The following LRRC28 variants were observed in gnomAD, a reference collection of about 807,000 sequenced individuals.
LRRC28 encodes leucine rich repeat containing 28, also known as leucine-rich repeat-containing protein 28.
LRRC28 carries 39 observed loss-of-function variants against 45.7 expected under a neutral mutation model. The observed-to-expected ratio is 0.85, with a 90% CI of 0.66 to 1.12. LRRC28 has a LOEUF of 1.12. Among genes scored for constraint, LRRC28 ranks in the 50% most tolerant of loss-of-function variants. The probability of loss-of-function intolerance (pLI) is 0.00; values close to 1 mark genes in which losing one functional copy is unlikely to be tolerated. For synonymous variants in LRRC28, 206 were observed against 178.8 expected (o/e 1.15, Z -1.22); for missense variants, 435 against 438.5 (o/e 0.99, Z 0.07).
intron 2 of LRRC28, among the ~76,000 whole-genome samples, chr15:99,267,318 G>T (rs2081358309): frequency 6.6e-6 from 1 of 152,182 alleles, no homozygotes; most frequent in South Asian, 2.1e-4. Flanking sequence ...ATAAGGATCA[G>T]AACACCCTGA....
At chr15:99,361,285 A>G in intron 7 of LRRC28, 51 bp from the exon 8 acceptor site, 2 of 1,549,202 alleles carry the variant, frequency 1.3e-6, no homozygotes, top group South Asian at 1.2e-5. Context: ...ATTGGCACCC[A>G]TATTCTTTTC....
intron 6 of LRRC28, among the ~76,000 whole-genome samples, chr15:99,347,839 C>T (rs1813102075): frequency 1.3e-5 from 2 of 152,094 alleles, no homozygotes; most frequent in African/African-American, 2.4e-5. Context: ...TTTTTAATTT[C>T]TTTAGGAACC....
At chr15:99,287,436 T>A in intron 4 of LRRC28, 142 bp downstream of exon 4, 1 of 577,030 alleles carries the variant, frequency 1.7e-6, no homozygotes, top group East Asian at 3.3e-5. Flanking sequence ...TTAAGAACTA[T>A]AATTAAATAA....
At chr15:99,342,889 AAG>A (rs1031959402) in intron 6 of LRRC28, among the ~76,000 whole-genome samples, 19 of 152,230 alleles carry the variant, frequency 1.2e-4, no homozygotes, top group South Asian at 2.1e-4. Context: ...GTGACTTTGT[AAG>A]AGAGTTAATG....
Position 99,377,896 on chromosome 15 carries a change from G to T in LRRC28, c.1032-8134G>T, listed in dbSNP as rs1215903890. Among the ~76,000 whole-genome samples, 9 of 152,078 alleles carry T rather than the reference G, an allele frequency of 5.9e-5. No individual in the cohort carries two copies. In the East Asian group the frequency reaches 1.7e-3, roughly 29 times the overall value. ...CTGAGGGCTCTGTTCTGTTCCATTGGTCTATAGCTCTGTTTTGGTACCAGT... is the reference window on the plus strand; with the variant it reads ...CTGAGGGCTCTGTTCTGTTCCATTGTTCTATAGCTCTGTTTTGGTACCAGT... On this transcript the variant is annotated intron_variant, in intron 9 of 9. Coordinates refer to ENST00000301981, the MANE Select transcript of LRRC28 (RefSeq NM_144598.5).
intron 6 of LRRC28, among the ~76,000 whole-genome samples, chr15:99,347,259 G>C (rs1299290033): frequency 2.0e-5 from 3 of 151,720 alleles, no homozygotes; most frequent in African/African-American, 7.3e-5. Context: ...ACCCAGGCTG[G>C]AGTGCAGTGG....
At position 99,267,208 on chromosome 15, in the gene LRRC28, G is replaced by A. The variant is rs114414877; in HGVS notation, c.169-9368G>A. 4.9e-3 allele frequency among the ~76,000 whole-genome samples: 743 copies of A among 152,240 alleles called. 5 individuals carry two copies. Among genetic ancestry groups the A allele is most frequent in the African/African-American group, 0.017 (718 of 41,538 alleles). ...ATTGACATAGATGACTCTCTTAGCC[G>A]GTGGTTAGGTGAGGGTGAGAGAGGT... On this transcript the variant is annotated intron_variant, in intron 2 of 9. Coordinates refer to ENST00000301981, the MANE Select transcript of LRRC28 (RefSeq NM_144598.5).
intron 5 of LRRC28, among the ~76,000 whole-genome samples, chr15:99,325,473 C>A (rs1380061275): frequency 2.0e-5 from 3 of 152,060 alleles, no homozygotes; most frequent in African/African-American, 7.2e-5. Context: ...TTGTTGGGTA[C>A]CAATGGAAAC....
chr15:99,327,767 T>C (rs891911283), intron 5 of LRRC28, among the ~76,000 whole-genome samples: 9 of 152,072 alleles, frequency 5.9e-5, no homozygotes, highest in African/African-American at 2.4e-5. Flanking sequence ...ATTTTTATTT[T>C]AGTTTTTACT....
chr15:99,367,029 G>A (rs1957359317), intron 9 of LRRC28, among the ~76,000 whole-genome samples: 1 of 152,182 alleles, frequency 6.6e-6, no homozygotes, highest in African/African-American at 2.4e-5. Context: ...CTAGCTGGGT[G>A]TCCTGTAAGG....
intron 7 of LRRC28, among the ~76,000 whole-genome samples, chr15:99,353,138 T>C (rs1335192872): frequency 6.6e-6 from 1 of 152,172 alleles, no homozygotes; most frequent in South Asian, 2.1e-4. Context: ...CTAAAGTGTT[T>C]CCCTGAGTGG....
intron 6 of LRRC28, among the ~76,000 whole-genome samples, chr15:99,351,878 G>A (rs1956890624): frequency 6.6e-6 from 1 of 152,194 alleles, no homozygotes; most frequent in African/African-American, 2.4e-5. Context: ...GGAATTTACA[G>A]CCAAGGAGCA....
At chr15:99,348,316 T>C (rs1403861424) in intron 6 of LRRC28, among the ~76,000 whole-genome samples, 1 of 152,136 alleles carries the variant, frequency 6.6e-6, no homozygotes, top group Non-Finnish European at 1.5e-5. Context: ...TAGCCTGAGC[T>C]TTTGGTGTGA....
At position 99,260,067 on chromosome 15, in the gene LRRC28, T is replaced by A. The variant is rs1322515500; in HGVS notation, c.168+3942T>A. On this transcript the variant is annotated intron_variant, in intron 2 of 9. Transcript: ENST00000301981. ...TCCTGTGTGGAGAGGGAATGTGAAA[T>A]GTAAGTCATTTCTTTTGGCAGAGAC... The A allele has an allele frequency of 1.1e-5, 6 of 529,952 alleles. No individual in the cohort carries two copies. In the East Asian group the frequency reaches 2.5e-4, roughly 22 times the overall value. 32.8% of individuals were successfully genotyped at this position (529,952 alleles called of 1,614,324 possible).
At position 99,387,138 on chromosome 15, in the gene LRRC28, G is replaced by T. The variant is rs1012448293; in HGVS notation, c.*1036G>T. 6.6e-6 allele frequency: 1 copy of T among 150,504 alleles called. No homozygotes were observed. Among genetic ancestry groups the T allele is most frequent in the African/African-American group, 2.4e-5 (1 of 40,864 alleles). 9.3% of individuals were successfully genotyped at this position (150,504 alleles called of 1,614,324 possible). A position where few individuals can be genotyped will look rare whatever the true frequency, so the allele number is the denominator to read the frequency against. On this transcript the variant is annotated 3_prime_UTR_variant, in exon 10 of 10. Transcript: ENST00000301981. ...TGCAGTGGCGGGATCTCGGCTCACT[G>T]CAAGCTCCGCCTCCCGGGTTCACGC...
chr15:99,357,306 A>G (rs757659961), intron 7 of LRRC28, among the ~76,000 whole-genome samples: 1 of 152,216 alleles, frequency 6.6e-6, no homozygotes, highest in Non-Finnish European at 1.5e-5. Flanking sequence ...TCACAAATGT[A>G]TATGCTCATA....
intron 5 of LRRC28, among the ~76,000 whole-genome samples, chr15:99,306,311 C>T (rs891101936): frequency 4.6e-5 from 7 of 152,144 alleles, no homozygotes; most frequent in East Asian, 3.8e-4. Flanking sequence ...GCAAATGGAC[C>T]GATGGGGATT....
chr15:99,348,953 C>T (rs1956783703), intron 6 of LRRC28, among the ~76,000 whole-genome samples: 1 of 151,898 alleles, frequency 6.6e-6, no homozygotes, highest in Admixed American at 6.6e-5. Flanking sequence ...CATTTTCTCC[C>T]ATCAGTTTTT....
At chr15:99,350,930 G>T (rs1207864793) in intron 6 of LRRC28, among the ~76,000 whole-genome samples, 1 of 152,084 alleles carries the variant, frequency 6.6e-6, no homozygotes, top group Non-Finnish European at 1.5e-5. Flanking sequence ...TGAGCAGCTG[G>T]AACTAGAGAC....
Sources: gnomAD v4.1 joint callset for allele counts (sites outside exome capture counted in the v4.1 genomes callset) on GRCh38, gnomAD v4.1.1 for gene constraint, MANE v1.5 for transcripts, NCBI Gene and HGNC (gene_info 2026-07-23, HGNC 2026-07-21) for gene names.